Variants in GALNT13 observed in about 807,000 individuals in gnomAD.
The protein encoded by GALNT13 is UDP-GalNAc:polypeptide N-acetylgalactosaminyltransferase 13.
A neutral mutation model predicts 64.2 loss-of-function variants in GALNT13; 28 were observed. That is an observed-to-expected ratio of 0.44 (90% CI 0.32 to 0.60). GALNT13 has a LOEUF of 0.60. GALNT13 is among the 20% of genes least tolerant of loss of function. The probability of loss-of-function intolerance (pLI) is 0.05; values close to 1 mark genes in which losing one functional copy is unlikely to be tolerated. For missense variants in GALNT13, 577 were observed against 669.8 expected (o/e 0.86, Z 1.53); for synonymous variants, 214 against 224.6 (o/e 0.95, Z 0.42).
chr2:153,701,978 G>C, the GALNT13 span, among the ~76,000 whole-genome samples: 21 of 152,234 alleles, frequency 1.4e-4, no homozygotes, highest in African/African-American at 4.6e-4. Context: ...TCCCATTACT[G>C]GGTATATACC....
intron 3 of GALNT13, among the ~76,000 whole-genome samples, chr2:153,945,474 GT>G (rs1654197114): frequency 6.6e-6 from 1 of 152,134 alleles, no homozygotes; most frequent in South Asian, 2.1e-4. Flanking sequence ...TTTGGCAAAA[GT>G]TTTCTGCATA....
chr2:154,078,800 T>C (rs1325284177), intron 3 of GALNT13, among the ~76,000 whole-genome samples: 1 of 151,610 alleles, frequency 6.6e-6, no homozygotes, highest in Non-Finnish European at 1.5e-5. Context: ...TAGAAGTTGA[T>C]AGGCAGCTTC....
In GALNT13 at chr2:154,358,445, T is replaced by G. The variant is rs76512555; in HGVS notation, c.1157-37546T>G. Among the ~76,000 whole-genome samples, 174 of 152,178 alleles carry G rather than the reference T, an allele frequency of 1.1e-3. 2 individuals are homozygous for G. The East Asian group carries it at 0.022, about 19-fold the overall frequency. ...CAGTCTAAACCAACTTTATATGCATTTATAGAATATATTCACTTTCATATA... is the reference window on the plus strand; with the variant it reads ...CAGTCTAAACCAACTTTATATGCATGTATAGAATATATTCACTTTCATATA... On this transcript the variant is annotated intron_variant, in intron 9 of 12. Coordinates refer to ENST00000392825, the MANE Select transcript of GALNT13 (RefSeq NM_052917.4).
the GALNT13 span, among the ~76,000 whole-genome samples, chr2:153,171,616 G>A: frequency 6.6e-6 from 1 of 152,104 alleles, no homozygotes; most frequent in African/African-American, 2.4e-5. Flanking sequence ...GGAAAAAGCT[G>A]TTATTTTCTT....
chr2:153,356,479 GA>G, the GALNT13 span: 4 of 152,136 alleles, frequency 2.6e-5, no homozygotes, highest in Non-Finnish European at 4.4e-5. Context: ...TACACTAGAA[GA>G]AAATTCATAC....
intron 3 of GALNT13, among the ~76,000 whole-genome samples, chr2:154,128,523 TA>T (rs1272209097): frequency 1.3e-5 from 2 of 152,062 alleles, no homozygotes; most frequent in Non-Finnish European, 2.9e-5. Context: ...CAGTGTAAAT[TA>T]ATAATGAACA....
chr2:153,648,285 A>G, the GALNT13 span, among the ~76,000 whole-genome samples: 2 of 152,176 alleles, frequency 1.3e-5, no homozygotes, highest in Non-Finnish European at 2.9e-5. Flanking sequence ...ATTGGTGTAT[A>G]AGAATGCTTG....
At chr2:154,354,968 T>C (rs1053906530) in intron 9 of GALNT13, among the ~76,000 whole-genome samples, 2 of 152,102 alleles carry the variant, frequency 1.3e-5, no homozygotes, top group Non-Finnish European at 2.9e-5. Flanking sequence ...ATTTCTGCCA[T>C]TGCCTGCCAT....
chr2:153,627,340 C>T, the GALNT13 span, among the ~76,000 whole-genome samples: 2 of 152,008 alleles, frequency 1.3e-5, no homozygotes, highest in Non-Finnish European at 2.9e-5. Flanking sequence ...ATATTCCTTG[C>T]ATGTGAAAAC....
the GALNT13 span, among the ~76,000 whole-genome samples, chr2:153,797,837 C>T: frequency 1.3e-5 from 2 of 152,130 alleles, no homozygotes; most frequent in Non-Finnish European, 2.9e-5. Context: ...TGAAGTATAC[C>T]CATAAGCAGA....
intron 3 of GALNT13, among the ~76,000 whole-genome samples, chr2:153,973,170 A>G (rs1218530797): frequency 6.7e-6 from 1 of 150,072 alleles, no homozygotes; most frequent in Non-Finnish European, 1.5e-5. Context: ...TATCAAAGTT[A>G]GACAAGTAGT....
chr2:153,562,058 C>CTGTG, the GALNT13 span, among the ~76,000 whole-genome samples: 43 of 87,202 alleles, frequency 4.9e-4, no homozygotes, highest in South Asian at 2.5e-3. Context: ...CTCTCTCTCT[C>CTGTG]TCTGTGTGTG....
the GALNT13 span, among the ~76,000 whole-genome samples, chr2:153,360,267 A>G: frequency 6.6e-6 from 1 of 152,188 alleles, no homozygotes; most frequent in Non-Finnish European, 1.5e-5. Context: ...TGCTTTGTCC[A>G]TGGAACTGTG....
At chr2:153,791,095 T>C in the GALNT13 span, among the ~76,000 whole-genome samples, 1 of 152,172 alleles carries the variant, frequency 6.6e-6, no homozygotes, top group East Asian at 1.9e-4. Context: ...TATTACAAAA[T>C]GGAGAAAATA....
chr2:153,388,533 A>G, the GALNT13 span, among the ~76,000 whole-genome samples: 1 of 152,070 alleles, frequency 6.6e-6, no homozygotes, highest in African/African-American at 2.4e-5. Flanking sequence ...GAACATTCTT[A>G]TGCCTGGAAA....
the GALNT13 span, among the ~76,000 whole-genome samples, chr2:153,549,574 G>A: frequency 6.6e-6 from 1 of 152,166 alleles, no homozygotes; most frequent in Non-Finnish European, 1.5e-5. Flanking sequence ...GTAGCCATAT[G>A]ATCAAGCATG....
chr2:154,455,871 C>T (rs1313185542), downstream of GALNT13, among the ~76,000 whole-genome samples: 2 of 152,074 alleles, frequency 1.3e-5, no homozygotes, highest in Non-Finnish European at 2.9e-5. Flanking sequence ...ACCACTTCTG[C>T]GATACTTGTG....
chr2:154,029,247 A>G (rs1212380075), intron 3 of GALNT13, among the ~76,000 whole-genome samples: 1 of 151,708 alleles, frequency 6.6e-6, no homozygotes, highest in Non-Finnish European at 1.5e-5. Flanking sequence ...TGATACAGGC[A>G]TAGCATAAGA....
At chr2:153,213,311 G>C in the GALNT13 span, among the ~76,000 whole-genome samples, 3 of 152,312 alleles carry the variant, frequency 2.0e-5, no homozygotes, top group African/African-American at 7.2e-5. Flanking sequence ...GAAGATCACT[G>C]AACTTAGGAA....
Sources: allele counts gnomAD v4.1 joint callset (sites outside exome capture counted in the v4.1 genomes callset), GRCh38; gene constraint gnomAD v4.1.1; transcripts MANE v1.5; gene names NCBI Gene and HGNC (gene_info 2026-07-23, HGNC 2026-07-21).